USP20: variants seen among roughly 807,000 people sequenced by gnomAD.
USP20 encodes ubiquitin specific peptidase 20.
USP20 carries 80 observed loss-of-function variants against 124.2 expected under a neutral mutation model. The observed-to-expected ratio is 0.64, with a 90% confidence interval of 0.54 to 0.78. USP20 has a LOEUF of 0.78. Ranked by LOEUF, USP20 falls within the 30% of genes least tolerant of loss-of-function variation. The pLI is 0.00. For synonymous variants in USP20, 481 were observed against 512.3 expected (o/e 0.94, Z 0.83); for missense variants, 1,043 against 1,244.4 (o/e 0.84, Z 2.44).
intron 3 of USP20, among the ~76,000 whole-genome samples, chr9:129,855,448 G>A (rs1486417412): frequency 2.7e-5 from 4 of 149,350 alleles, no homozygotes; most frequent in South Asian, 2.1e-4. Context: ...AAAAAAAAAA[G>A]AAGTTTCTTT....
chr9:129,841,692 C>T (rs1662146192), intron 1 of USP20, among the ~76,000 whole-genome samples: 1 of 152,202 alleles, frequency 6.6e-6, no homozygotes, highest in Non-Finnish European at 1.5e-5. Flanking sequence ...TTCAGAAGCG[C>T]AGGCTGCCCC....
intron 21 of USP20, 133 bp from the exon 22 acceptor site, chr9:129,875,997 C>A: frequency 1.3e-6 from 1 of 777,828 alleles, no homozygotes; most frequent in Non-Finnish European, 2.0e-6. Flanking sequence ...GGTGCTCACA[C>A]AGAGGTGCAT....
At chr9:129,870,362 C>T in intron 14 of USP20, 91 bp from the exon 15 acceptor site, 1 of 1,410,614 alleles carries the variant, frequency 7.1e-7, no homozygotes, top group Non-Finnish European at 9.9e-7. Context: ...CCTTCTGCGG[C>T]TCAGGCCTGA....
intron 1 of USP20, among the ~76,000 whole-genome samples, chr9:129,846,458 A>G (rs143048633): frequency 0.012 from 1,786 of 147,922 alleles, 16 homozygotes; most frequent in Middle Eastern, 0.027. Context: ...GGGTTTCACC[A>G]TGTTGCCCAG....
At chr9:129,868,759 C>T in intron 11 of USP20, 103 bp from the exon 12 acceptor site, 2 of 1,480,926 alleles carry the variant, frequency 1.4e-6, no homozygotes, top group Non-Finnish European at 1.8e-6. Context: ...ACATTAGGGT[C>T]AGGCTTTCGT....
intron 17 of USP20, 28 bp from the exon 18 acceptor site, chr9:129,874,548 A>G (rs1564220681): frequency 6.2e-7 from 1 of 1,609,422 alleles, no homozygotes; most frequent in African/African-American, 1.3e-5. Context: ...TTCTTCCTAG[A>G]TGACCGGCGC....
At chr9:129,854,019 G>A (rs4294289) in intron 3 of USP20, among the ~76,000 whole-genome samples, 132,524 of 152,178 alleles carry the variant, frequency 0.87, 58,183 homozygotes, top group East Asian at 1. Flanking sequence ...ATATGAGCAG[G>A]TCCTTCCCAG....
At position 129,880,841 on chromosome 9, in the gene USP20, G is replaced by A. The variant is rs55896907; in HGVS notation, c.*391G>A. On this transcript the variant is annotated 3_prime_UTR_variant, in exon 26 of 26. Coordinates refer to ENST00000372429, the MANE Select transcript of USP20 (RefSeq NM_001110303.4). ...CACTGTGCGATTGGCCCGGAGCCCC[G>A]AAGACTCGGAGGGAGCTGCTCAGGG... The A allele has an allele frequency of 6.9e-3, 1,069 of 154,618 alleles. 2 individuals are homozygous for A. Among genetic ancestry groups the A allele is most frequent in the Middle Eastern group, 0.024 (7 of 296 alleles). 9.6% of individuals were successfully genotyped at this position (154,618 alleles called of 1,614,324 possible).
chr9:129,843,168 A>T lies in USP20; in HGVS notation c.-128-6645A>T, dbSNP rs1433007317. On this transcript the variant is annotated intron_variant, in intron 1 of 25. Coordinates refer to ENST00000372429, the MANE Select transcript of USP20 (RefSeq NM_001110303.4). Reference sequence around the variant, plus strand: ...ATGTAGGCCGGGCATGGTGGCGTACACCTGTACTCCCAGCACTTTGGGAGG... The same window carrying T: ...ATGTAGGCCGGGCATGGTGGCGTACTCCTGTACTCCCAGCACTTTGGGAGG... Among the ~76,000 whole-genome samples the T allele has an allele frequency of 1.5e-4, 23 of 149,520 alleles. No individual in the cohort carries two copies. The Admixed American group carries it at 1.5e-3, about 10-fold the overall frequency.
At chr9:129,863,724 G>A (rs935618259) in intron 9 of USP20, among the ~76,000 whole-genome samples, 12 of 152,210 alleles carry the variant, frequency 7.9e-5, no homozygotes, top group Admixed American at 3.9e-4. Context: ...CAGAGTCTGT[G>A]ATTAGATCTG....
At chr9:129,864,970 A>G (rs1408720280) in intron 9 of USP20, among the ~76,000 whole-genome samples, 4 of 152,346 alleles carry the variant, frequency 2.6e-5, no homozygotes, top group African/African-American at 9.6e-5. Flanking sequence ...AGATTTGTCA[A>G]TAATGAACAT....
Position 129,867,979 on chromosome 9 carries a change from C to G in USP20, c.691-26C>G, listed in dbSNP as rs2033902909. 3 of 1,596,330 alleles carry G rather than the reference C, an allele frequency of 1.9e-6. No individual in the cohort carries two copies. The East Asian group carries it at 6.7e-5, about 36-fold the overall frequency. Reference sequence around the variant, plus strand: ...TGGTTCCTCCTGCCTCCAGGGGAGCCCTGTTGATGCAGCCCCTGGTTCTAG... The same window carrying G: ...TGGTTCCTCCTGCCTCCAGGGGAGCGCTGTTGATGCAGCCCCTGGTTCTAG... On this transcript the variant is annotated intron_variant, in intron 10 of 25. Coordinates refer to ENST00000372429, the MANE Select transcript of USP20 (RefSeq NM_001110303.4).
intron 15 of USP20, 152 bp from the exon 16 acceptor site, chr9:129,873,330 C>T (rs997619701): frequency 3.8e-5 from 34 of 896,278 alleles, no homozygotes; most frequent in East Asian, 3.8e-4. Context: ...GGGATCCGCC[C>T]GCCTCGGCCT....
At chr9:129,877,285 G>A (rs546565622) in intron 22 of USP20, among the ~76,000 whole-genome samples, 7 of 152,308 alleles carry the variant, frequency 4.6e-5, no homozygotes, top group Non-Finnish European at 7.4e-5. Flanking sequence ...TTGGGAGGCC[G>A]AGGCAGGTGG....
At position 129,878,393 on chromosome 9, in the gene USP20, T is replaced by C; in HGVS notation, c.2465T>C (p.Met822Thr). 1 of 1,610,962 alleles carries C rather than the reference T, an allele frequency of 6.2e-7. No homozygotes were observed. Among genetic ancestry groups the C allele is most frequent in the Non-Finnish European group, 8.5e-7 (1 of 1,178,682 alleles). Reference sequence around the variant, plus strand: ...CCGGGCGTCATCTACTGCATCAGCATGCAGTGGTTCCGGGAGTGGGAGGCG... The same window carrying C: ...CCGGGCGTCATCTACTGCATCAGCACGCAGTGGTTCCGGGAGTGGGAGGCG... ...ESPGVIYCIS[M>T]QWFREWEAFV... The change falls in exon 23 of 26, where the codon ATG (methionine) becomes ACG (threonine). Residue 822 changes from methionine to threonine, a missense_variant. Transcript: ENST00000372429.
chr9:129,842,109 T>G (rs892065000), intron 1 of USP20, among the ~76,000 whole-genome samples: 1 of 152,204 alleles, frequency 6.6e-6, no homozygotes, highest in Non-Finnish European at 1.5e-5. Flanking sequence ...ACTTAGCGTT[T>G]ACTGTGCATT....
chr9:129,845,058 CTAAA>C (rs2032459766), intron 1 of USP20, among the ~76,000 whole-genome samples: 2 of 152,104 alleles, frequency 1.3e-5, no homozygotes, highest in African/African-American at 2.4e-5. Flanking sequence ...AACCTGGTCT[CTAAA>C]TAAATAAATA....
intron 23 of USP20, 131 bp downstream of exon 23, chr9:129,878,571 G>C: frequency 1.3e-6 from 1 of 766,228 alleles, no homozygotes; most frequent in Non-Finnish European, 2.1e-6. Flanking sequence ...ACCCATCCAG[G>C]GTGAACAGAG....
At chr9:129,872,006 G>A (rs118037011) in intron 15 of USP20, among the ~76,000 whole-genome samples, 3,522 of 152,238 alleles carry the variant, frequency 0.023, 89 homozygotes, top group Non-Finnish European at 0.028. Context: ...GTGAGCCACC[G>A]CACCCAGCCT....
Sources: allele counts gnomAD v4.1 joint callset (sites outside exome capture counted in the v4.1 genomes callset), GRCh38; gene constraint gnomAD v4.1.1; transcripts MANE v1.5; gene names NCBI Gene and HGNC (gene_info 2026-07-23, HGNC 2026-07-21).